Variants in ZNF500 observed in about 807,000 individuals in gnomAD.
ZNF500 encodes the protein zinc finger protein 500.
ZNF500 carries 31 observed loss-of-function variants against 30.1 expected under a neutral mutation model. The ratio of observed to expected loss-of-function variants is 1.03; its 90% CI spans 0.77 to 1.39. The LOEUF (loss-of-function observed/expected upper bound fraction) is 1.39, where lower values mean the gene tolerates loss of function less well. Among genes scored for constraint, ZNF500 ranks in the 40% most tolerant of loss-of-function variants. The probability of loss-of-function intolerance (pLI) is 0.00; values close to 1 mark genes in which losing one functional copy is unlikely to be tolerated. For synonymous variants in ZNF500, 392 were observed against 282.0 expected (o/e 1.39, Z -3.91); for missense variants, 817 against 657.8 (o/e 1.24, Z -2.65).
chr16:4,762,923 AGCTCCCAGCCT>A, intron 2 of ZNF500, 167 bp from the exon 3 acceptor site: 7 of 985,284 alleles, frequency 7.1e-6, no homozygotes, highest in Non-Finnish European at 8.4e-6. Flanking sequence ...CCCTGCAGCC[AGCTCCCAGCCT>A]GCTCTACTCC....
At chr16:4,761,143 A>C (rs1364560069) in intron 4 of ZNF500, among the ~76,000 whole-genome samples, 1 of 152,094 alleles carries the variant, frequency 6.6e-6, no homozygotes, top group Non-Finnish European at 1.5e-5. Flanking sequence ...GGAGGGTCTA[A>C]AGGAAATGTT....
intron 4 of ZNF500, among the ~76,000 whole-genome samples, chr16:4,760,801 A>ACC (rs1270647849): frequency 6.6e-6 from 1 of 152,112 alleles, no homozygotes; most frequent in African/African-American, 2.4e-5. Flanking sequence ...CTGGGACACC[A>ACC]CCGGAGAAGG....
At chr16:4,765,437 C>A (rs931704201) in intron 2 of ZNF500, 128 bp downstream of exon 2, 1 of 1,346,990 alleles carries the variant, frequency 7.4e-7, no homozygotes, top group African/African-American at 1.5e-5. Context: ...TTTGCAGTTG[C>A]TTTCCTCAAA....
chr16:4,744,898 G>A (rs769414720), downstream of ZNF500: 15 of 1,613,664 alleles, frequency 9.3e-6, no homozygotes, highest in African/African-American at 2.0e-4. Context: ...CCCACAACAG[G>A]CTCATGGAAC....
At chr16:4,748,139 C>T (rs1377391286), downstream of ZNF500, 1 of 153,078 alleles carries the variant, frequency 6.5e-6, no homozygotes, top group African/African-American at 2.4e-5. Context: ...CCTACCCACA[C>T]AGATCTAATA....
At position 4,748,412 on chromosome 16, in the gene ZNF500, TAAGA is replaced by T. The variant is rs2082046492; in HGVS notation, c.*3960_*3963del. On this transcript the variant is annotated 3_prime_UTR_variant, in exon 6 of 6. Transcript: ENST00000219478. Reference sequence around the variant, plus strand: ...TTGCTTTCTCTTTCTCTTCTTTACCTAAGATAGAAAGGCACACATAGATTCTCAA... The same window carrying T: ...TTGCTTTCTCTTTCTCTTCTTTACCTTAGAAAGGCACACATAGATTCTCAA... The T allele has an allele frequency of 6.6e-6, 1 of 152,168 alleles. No homozygotes were observed. Among genetic ancestry groups the T allele is most frequent in the Non-Finnish European group, 1.5e-5 (1 of 68,040 alleles). The allele number at this position is 152,168 out of a possible 1,614,324, so 9.4% of individuals were successfully genotyped here.
rs914205527 is a variant in ZNF500 at position 4,761,764 on chromosome 16, G to A, written c.663+507C>T. 9.9e-5 allele frequency among the ~76,000 whole-genome samples: 15 copies of A among 151,932 alleles called. No individual in the cohort carries two copies. The East Asian group carries it at 1.2e-3, about 12-fold the overall frequency. On this transcript the variant is annotated intron_variant, in intron 4 of 5. Coordinates refer to ENST00000219478, the MANE Select transcript of ZNF500 (RefSeq NM_021646.4). ...CCAACTAACTGAGGAGGCTGAGGCA[G>A]GAGGATCCCTTGAGCCTGGGAGGTC...
In ZNF500 at chr16:4,748,713, C is replaced by G. The variant is rs534925231; in HGVS notation, c.*3663G>C. 1 of 152,564 alleles carries G rather than the reference C, an allele frequency of 6.6e-6. No individual in the cohort carries two copies. The highest frequency in any genetic ancestry group is 1.9e-4 in the East Asian group (1 of 5,188). 9.5% of individuals were successfully genotyped at this position (152,564 alleles called of 1,614,324 possible). On this transcript the variant is annotated 3_prime_UTR_variant, in exon 6 of 6. Transcript: ENST00000219478. ...CCTGGGCACCTGTTTGTCTCCCCAA[C>G]CTTGTCTCCAGGATGTGTCCTGCTG... is the stretch of plus-strand genomic sequence containing the variant.
intron 1 of ZNF500, 31 bp from the exon 2 acceptor site, chr16:4,766,107 G>A: frequency 8.7e-7 from 1 of 1,150,668 alleles, no homozygotes; most frequent in Non-Finnish European, 1.2e-6. Flanking sequence ...CATCTGAAGG[G>A]CAGCCCTGGG....
chr16:4,765,795 C>G lies in ZNF500; in HGVS notation c.184G>C (p.Ala62Pro). Reference protein sequence around the residue: ...LFRLFCYQEVAGPREALSRLW... With the variant: ...LFRLFCYQEVPGPREALSRLW... ...CGGCTCAGGGCCTCCCGGGGCCCAG[C>G]CACCTCCTGGTAGCAGAAGAGCCGG... is the stretch of plus-strand genomic sequence containing the variant. Residue 62 changes from alanine to proline, a missense_variant, in exon 2 of 6, where the codon GCT (alanine) becomes CCT (proline). Physicochemically the swap from Ala to Pro is conservative, Grantham distance 27. Transcript: ENST00000219478. 6.2e-7 allele frequency: 1 copy of G among 1,613,178 alleles called. No individual in the cohort carries two copies. The highest frequency in any genetic ancestry group is 8.5e-7 in the Non-Finnish European group (1 of 1,179,876).
downstream of ZNF500, chr16:4,746,965 AG>A: frequency 6.4e-7 from 1 of 1,554,718 alleles, no homozygotes; most frequent in African/African-American, 1.4e-5. Flanking sequence ...GAGGAGGAGG[AG>A]GAAGAGATGG....
chr16:4,763,682 G>C (rs2082232527), intron 2 of ZNF500: 6 of 985,408 alleles, frequency 6.1e-6, no homozygotes, highest in Non-Finnish European at 7.2e-6. Context: ...TGAGGCATGT[G>C]TGCAGAGGTG....
At chr16:4,754,578 C>T (rs1421617704) in intron 5 of ZNF500, among the ~76,000 whole-genome samples, 2 of 151,282 alleles carry the variant, frequency 1.3e-5, no homozygotes, top group East Asian at 1.9e-4. Context: ...GCAGGAGAAT[C>T]GCTTGAACTC....
chr16:4,747,635 G>T, downstream of ZNF500: 1 of 1,596,074 alleles, frequency 6.3e-7, no homozygotes, highest in South Asian at 1.1e-5. Context: ...GCTGCCTCAG[G>T]TAGTGGGATC....
At position 4,748,901 on chromosome 16, in the gene ZNF500, C is replaced by G. The variant is rs1056989404; in HGVS notation, c.*3475G>C. On this transcript the variant is annotated 3_prime_UTR_variant, in exon 6 of 6. Transcript: ENST00000219478. ...CACTGAGGATGGGCAGGGGTCTCTT[C>G]TCATCAAGCCTTGTACCAGGCAAAA... The G allele has an allele frequency of 5.3e-5, 8 of 152,348 alleles. No individual in the cohort carries two copies. Among genetic ancestry groups the G allele is most frequent in the African/African-American group, 1.9e-4 (8 of 41,462 alleles). The allele number at this position is 152,348 out of a possible 1,614,324, so 9.4% of individuals were successfully genotyped here.
Position 4,751,852 on chromosome 16 carries a change from G to A in ZNF500, c.*524C>T, listed in dbSNP as rs1182893747. 3 of 467,272 alleles carry A rather than the reference G, an allele frequency of 6.4e-6. No homozygotes were observed. Among genetic ancestry groups the A allele is most frequent in the Non-Finnish European group, 1.1e-5 (3 of 263,928 alleles). The allele number at this position is 467,272 out of a possible 1,614,324, so 28.9% of individuals were successfully genotyped here. ...GAGCCCAGGGATTCGAGGCTGCAGT[G>A]AGCTATGATCATGGCACTGTATTCC... On this transcript the variant is annotated 3_prime_UTR_variant, in exon 6 of 6. Transcript: ENST00000219478.
chr16:4,760,810 G>A (rs2082190268), intron 4 of ZNF500, among the ~76,000 whole-genome samples: 1 of 152,194 alleles, frequency 6.6e-6, no homozygotes, highest in South Asian at 2.1e-4. Flanking sequence ...CACCGGAGAA[G>A]GGACAGATTC....
chr16:4,746,562 C>T (rs77302158), downstream of ZNF500: 2,034 of 1,574,872 alleles, frequency 1.3e-3, 28 homozygotes, highest in African/African-American at 0.025. Context: ...TGCAGAGTTG[C>T]CTGTTGACCG....
chr16:4,762,125 G>A (rs2082208692), intron 4 of ZNF500, 146 bp downstream of exon 4: 1 of 932,116 alleles, frequency 1.1e-6, no homozygotes, highest in Non-Finnish European at 1.7e-6. Flanking sequence ...CCAGGGTTGG[G>A]GCAAAGGGAG....
Sources: allele counts gnomAD v4.1 joint callset (sites outside exome capture counted in the v4.1 genomes callset), GRCh38; gene constraint gnomAD v4.1.1; transcripts MANE v1.5; gene names NCBI Gene and HGNC (gene_info 2026-07-23, HGNC 2026-07-21).